Variants in ZFHX3 observed in about 807,000 individuals in gnomAD.
ZFHX3 encodes zinc finger homeobox 3.
A neutral mutation model predicts 279.1 loss-of-function variants in ZFHX3; 42 were observed. That is an observed-to-expected ratio of 0.15 (90% CI 0.12 to 0.19). The LOEUF (loss-of-function observed/expected upper bound fraction) is 0.19, where lower values mean the gene tolerates loss of function less well. ZFHX3 is among the 10% of genes least tolerant of loss of function. The probability of loss-of-function intolerance (pLI) is 1.00; values close to 1 mark genes in which losing one functional copy is unlikely to be tolerated. For synonymous variants in ZFHX3, 2,293 were observed against 1,957.8 expected (o/e 1.17, Z -4.52); for missense variants, 4,981 against 4,754.0 (o/e 1.05, Z -1.40).
chr16:73,325,609 T>C (rs1044972055), intron 3 of ZFHX3, among the ~76,000 whole-genome samples: 9 of 152,170 alleles, frequency 5.9e-5, no homozygotes, highest in African/African-American at 1.9e-4. Context: ...AGAATGGGTA[T>C]TGGTGAATGA....
chr16:73,527,698 G>A (rs1175835209), intron 2 of ZFHX3, among the ~76,000 whole-genome samples: 1 of 152,190 alleles, frequency 6.6e-6, no homozygotes, highest in Non-Finnish European at 1.5e-5. Context: ...GAGGAAGCAA[G>A]CTACCATGTG....
At chr16:73,572,625 A>G (rs2051753562) in intron 2 of ZFHX3, among the ~76,000 whole-genome samples, 1 of 152,150 alleles carries the variant, frequency 6.6e-6, no homozygotes, top group Non-Finnish European at 1.5e-5. Flanking sequence ...CCCCTCTGAA[A>G]GAATAAAACT....
chr16:72,963,175 T>C (rs1322019138), intron 1 of ZFHX3, among the ~76,000 whole-genome samples: 3 of 152,162 alleles, frequency 2.0e-5, no homozygotes, highest in African/African-American at 7.2e-5. Context: ...CCTGCCAGCC[T>C]GACACGCACA....
At chr16:73,170,905 G>T (rs1000699630) in intron 5 of ZFHX3, among the ~76,000 whole-genome samples, 1 of 152,148 alleles carries the variant, frequency 6.6e-6, no homozygotes, top group Non-Finnish European at 1.5e-5. Flanking sequence ...GAAGAGGGCA[G>T]TCAGTTTGAG....
At chr16:73,545,527 A>G (rs1171299657) in intron 2 of ZFHX3, among the ~76,000 whole-genome samples, 3 of 152,162 alleles carry the variant, frequency 2.0e-5, no homozygotes, top group Admixed American at 1.3e-4. Context: ...CATTCATGCA[A>G]AAGGATAATT....
intron 1 of ZFHX3, among the ~76,000 whole-genome samples, chr16:73,777,533 G>T (rs1315415588): frequency 4.5e-5 from 3 of 67,160 alleles, no homozygotes; most frequent in Admixed American, 1.5e-4. Context: ...AAAAAAAAAA[G>T]CTTAGTTAAA....
At chr16:73,547,620 GGCT>G (rs2020141910) in intron 2 of ZFHX3, among the ~76,000 whole-genome samples, 1 of 152,032 alleles carries the variant, frequency 6.6e-6, no homozygotes, top group African/African-American at 2.4e-5. Context: ...TGGTGAGTAG[GGCT>G]TGATTTTCAT....
chr16:73,456,979 C>T (rs2018382802), intron 2 of ZFHX3, among the ~76,000 whole-genome samples: 1 of 152,150 alleles, frequency 6.6e-6, no homozygotes, highest in Non-Finnish European at 1.5e-5. Context: ...GGGTCTGGGG[C>T]TGTTGAAAGG....
At chr16:73,819,570 T>C (rs1960675855) in intron 1 of ZFHX3, among the ~76,000 whole-genome samples, 2 of 152,084 alleles carry the variant, frequency 1.3e-5, no homozygotes, top group South Asian at 2.1e-4. Context: ...TATTGAACAA[T>C]GTGGCTGTAC....
chr16:73,183,820 G>A (rs1314046344), intron 5 of ZFHX3, among the ~76,000 whole-genome samples: 2 of 151,992 alleles, frequency 1.3e-5, no homozygotes, highest in Non-Finnish European at 2.9e-5. Context: ...TCGGGAGCTG[G>A]GAAGGTGAGG....
At chr16:73,210,979 G>C (rs2011996016) in intron 5 of ZFHX3, among the ~76,000 whole-genome samples, 1 of 152,094 alleles carries the variant, frequency 6.6e-6, no homozygotes, top group African/African-American at 2.4e-5. Flanking sequence ...TTCCCATTAA[G>C]ACTGAATGGT....
exon 8 of ZFHX3, chr16:73,093,290 GT>G: frequency 4.3e-6 from 2 of 461,288 alleles, no homozygotes; most frequent in South Asian, 1.6e-5. Context: ...TGCACATCGT[GT>G]TTGGGTTGCA....
intron 1 of ZFHX3, among the ~76,000 whole-genome samples, chr16:72,965,991 A>T (rs1020388690): frequency 5.1e-4 from 77 of 152,324 alleles, no homozygotes; most frequent in African/African-American, 1.8e-3. Context: ...GTAGCACAAA[A>T]TTTATCATTT....
intron 2 of ZFHX3, among the ~76,000 whole-genome samples, chr16:73,615,354 A>G (rs958299537): frequency 6.6e-6 from 1 of 152,150 alleles, no homozygotes; most frequent in Admixed American, 6.5e-5. Context: ...CTCAGGAGGT[A>G]AGACAAGCAC....
intron 1 of ZFHX3, among the ~76,000 whole-genome samples, chr16:73,817,803 C>T (rs1198133178): frequency 1.3e-5 from 2 of 152,154 alleles, no homozygotes; most frequent in South Asian, 2.1e-4. Flanking sequence ...TAGTTCACCT[C>T]GCTCTTACTT....
chr16:73,250,381 G>C (rs1422465660), intron 5 of ZFHX3, among the ~76,000 whole-genome samples: 1 of 152,144 alleles, frequency 6.6e-6, no homozygotes, highest in African/African-American at 2.4e-5. Context: ...TTTTGTGGAT[G>C]TGTGTGTGTT....
intron 4 of ZFHX3, among the ~76,000 whole-genome samples, chr16:72,839,950 G>A (rs1407350661): frequency 6.6e-6 from 1 of 152,138 alleles, no homozygotes; most frequent in Non-Finnish European, 1.5e-5. Context: ...CAACCTGCCG[G>A]AAATAAACAC....
intron 1 of ZFHX3, among the ~76,000 whole-genome samples, chr16:73,882,535 C>T (rs1324632777): frequency 6.6e-6 from 1 of 151,838 alleles, no homozygotes; most frequent in African/African-American, 2.4e-5. Flanking sequence ...TGTGAGATTT[C>T]ACTTTGATGG....
intron 5 of ZFHX3, among the ~76,000 whole-genome samples, chr16:73,162,182 A>G (rs1967253027): frequency 6.6e-6 from 1 of 152,216 alleles, no homozygotes. Context: ...CAGTGAGCAA[A>G]GGTTCGTCTG....
Sources: allele counts gnomAD v4.1 joint callset (sites outside exome capture counted in the v4.1 genomes callset), GRCh38; gene constraint gnomAD v4.1.1; transcripts MANE v1.5; gene names NCBI Gene and HGNC (gene_info 2026-07-23, HGNC 2026-07-21).